CDH8: variants seen among roughly 807,000 people sequenced by gnomAD.
CDH8 encodes the protein cadherin-8.
A neutral mutation model predicts 68.1 loss-of-function variants in CDH8; 17 were observed. The ratio of observed to expected loss-of-function variants is 0.25; its 90% CI spans 0.17 to 0.37. The LOEUF (loss-of-function observed/expected upper bound fraction) is 0.37. Ranked by LOEUF, CDH8 falls within the 10% of genes least tolerant of loss-of-function variation. The pLI is 1.00. For missense variants in CDH8, 763 were observed against 999.3 expected (o/e 0.76, Z 3.19); for synonymous variants, 372 against 365.1 (o/e 1.02, Z -0.21).
chr16:61,653,251 T>C lies in CDH8; in HGVS notation c.*357A>G. On this transcript the variant is annotated 3_prime_UTR_variant, in exon 12 of 12. Transcript: ENST00000577390. The stretch of plus-strand genomic sequence containing the variant: ...CAGCAGATTCCTTGCAGGTCCGTAT[T>C]TTTTTTTCTAAGAAAGCACCTTTTA... 1 of 1,168,838 alleles carries C rather than the reference T, an allele frequency of 8.6e-7. No homozygotes were observed. The highest frequency in any genetic ancestry group is 1.1e-6 in the Non-Finnish European group (1 of 950,098). The allele number at this position is 1,168,838 out of a possible 1,614,324, so 72.4% of individuals were successfully genotyped here. A position where few individuals can be genotyped will look rare whatever the true frequency, so the allele number is the denominator to read the frequency against.
intron 4 of CDH8, among the ~76,000 whole-genome samples, chr16:61,849,075 T>C (rs1421777835): frequency 6.6e-6 from 1 of 152,118 alleles, no homozygotes; most frequent in Non-Finnish European, 1.5e-5. Context: ...AGTTTGTTGC[T>C]ACCTACAATT....
intron 9 of CDH8, among the ~76,000 whole-genome samples, chr16:61,721,944 T>C (rs1959221896): frequency 6.6e-6 from 1 of 150,792 alleles, no homozygotes; most frequent in Non-Finnish European, 1.5e-5. Context: ...GATGTGTGTG[T>C]ACATTTTTCA....
intron 2 of CDH8, among the ~76,000 whole-genome samples, chr16:61,987,394 C>A (rs1001152699): frequency 1.3e-5 from 2 of 152,018 alleles, no homozygotes; most frequent in African/African-American, 4.8e-5. Flanking sequence ...GTAATCCCAG[C>A]TACATGGGAG....
Position 61,931,823 on chromosome 16 carries a change from A to G in CDH8, c.253-30350T>C, listed in dbSNP as rs549141676. ...GTGTGGTCCTAGGATTTCTGCTGAAAACATAACACAAACATGTTCGAGGGA... is the reference window on the plus strand; with the variant it reads ...GTGTGGTCCTAGGATTTCTGCTGAAGACATAACACAAACATGTTCGAGGGA... On this transcript the variant is annotated intron_variant, in intron 2 of 11. Transcript: ENST00000577390. Among the ~76,000 whole-genome samples, 10 of 152,318 alleles carry G rather than the reference A, an allele frequency of 6.6e-5. No individual in the cohort carries two copies. In the South Asian group the frequency reaches 2.1e-3, roughly 32 times the overall value.
chr16:61,847,194 G>A (rs1308428762), intron 4 of CDH8, among the ~76,000 whole-genome samples: 2 of 151,792 alleles, frequency 1.3e-5, no homozygotes, highest in Non-Finnish European at 2.9e-5. Context: ...CATATTATTT[G>A]AACAACTATC....
At chr16:61,830,543 T>C (rs1962433060) in intron 4 of CDH8, among the ~76,000 whole-genome samples, 1 of 151,826 alleles carries the variant, frequency 6.6e-6, no homozygotes, top group Admixed American at 6.6e-5. Context: ...GGTGCTACGT[T>C]AAATAACATC....
At chr16:61,819,400 A>G (rs745657437) in intron 6 of CDH8, among the ~76,000 whole-genome samples, 3 of 152,090 alleles carry the variant, frequency 2.0e-5, no homozygotes, top group Non-Finnish European at 4.4e-5. Context: ...AATGGGAATA[A>G]TAACAATAAA....
Position 61,729,582 on chromosome 16 carries a change from TTC to T in CDH8, c.1415-2369_1415-2368del, listed in dbSNP as rs145416191. On this transcript the variant is annotated intron_variant, in intron 8 of 11. Transcript: ENST00000577390. Reference sequence around the variant, plus strand: ...TTAATTGATTAACTTCTTTTTGTAATTCTCTGTTTTAATTCCAAGAATTGCCG... The same window carrying T: ...TTAATTGATTAACTTCTTTTTGTAATTCTGTTTTAATTCCAAGAATTGCCG... 7.6e-3 allele frequency among the ~76,000 whole-genome samples: 1,152 copies of T among 151,396 alleles called. 10 individuals carry two copies. The highest frequency in any genetic ancestry group is 0.026 in the African/African-American group (1,082 of 41,440).
chr16:61,876,803 G>A (rs888721311), intron 3 of CDH8, among the ~76,000 whole-genome samples: 2 of 150,894 alleles, frequency 1.3e-5, no homozygotes, highest in African/African-American at 2.4e-5. Context: ...CCCTTATTTC[G>A]AATCTAAGCA....
chr16:61,698,405 G>A (rs1425426852), intron 10 of CDH8, among the ~76,000 whole-genome samples: 1 of 152,124 alleles, frequency 6.6e-6, no homozygotes, highest in Non-Finnish European at 1.5e-5. Flanking sequence ...CTTTCATCAT[G>A]TTGCCTCCGA....
intron 10 of CDH8, among the ~76,000 whole-genome samples, chr16:61,671,062 A>G (rs1208186194): frequency 1.3e-5 from 2 of 152,098 alleles, no homozygotes; most frequent in Admixed American, 6.6e-5. Context: ...TTTCAACCCC[A>G]TTACCACTTG....
In CDH8 at chr16:61,652,719, G is replaced by A. The variant is rs575315613; in HGVS notation, c.*889C>T. 1.3e-4 allele frequency: 160 copies of A among 1,270,126 alleles called. 1 individual carries two copies. The East Asian group carries it at 3.7e-3, about 30-fold the overall frequency. 78.7% of individuals were successfully genotyped at this position (1,270,126 alleles called of 1,614,324 possible). A position where few individuals can be genotyped will look rare whatever the true frequency, so the allele number is the denominator to read the frequency against. On this transcript the variant is annotated 3_prime_UTR_variant, in exon 12 of 12. Coordinates refer to ENST00000577390, the MANE Select transcript of CDH8 (RefSeq NM_001796.5). ...ATATCCCCTTAATCTATAGATTACC[G>A]ACCTTAATAAATAAAAGCATTAATG...
At position 61,647,467 on chromosome 16, in the gene CDH8, G is replaced by T. The variant is rs1318736144; in HGVS notation, c.*6141C>A. The T allele has an allele frequency of 2.1e-5, 3 of 140,078 alleles. No individual in the cohort carries two copies. The highest frequency in any genetic ancestry group is 9.6e-5 in the African/African-American group (1 of 10,462). 8.7% of individuals were successfully genotyped at this position (140,078 alleles called of 1,614,324 possible). ...AGTTAAAGCAGAGTAACGTTGGAAA[G>T]GTGGGGGGGGTGATCCCAGTGACTC... is the stretch of plus-strand genomic sequence containing the variant. On this transcript the variant is annotated 3_prime_UTR_variant, in exon 12 of 12. Coordinates refer to ENST00000577390, the MANE Select transcript of CDH8 (RefSeq NM_001796.5).
At chr16:62,019,951 C>T (rs1220858304) in intron 2 of CDH8, among the ~76,000 whole-genome samples, 1 of 152,106 alleles carries the variant, frequency 6.6e-6, no homozygotes, top group African/African-American at 2.4e-5. Flanking sequence ...TGATACGCCT[C>T]CTGTGTCTAA....
chr16:61,977,691 G>C (rs1316075301), intron 2 of CDH8, among the ~76,000 whole-genome samples: 1 of 152,020 alleles, frequency 6.6e-6, no homozygotes, highest in African/African-American at 2.4e-5. Flanking sequence ...GTAAGTCAAG[G>C]GAAGAATATT....
chr16:61,993,048 G>T (rs926370928), intron 2 of CDH8, among the ~76,000 whole-genome samples: 1 of 152,152 alleles, frequency 6.6e-6, no homozygotes, highest in African/African-American at 2.4e-5. Flanking sequence ...GCCTTCCAAA[G>T]TACTGGGATT....
chr16:61,980,203 C>A (rs1449824317), intron 2 of CDH8, among the ~76,000 whole-genome samples: 1 of 152,104 alleles, frequency 6.6e-6, no homozygotes, highest in Non-Finnish European at 1.5e-5. Flanking sequence ...GGAGGTAAAC[C>A]TGGGACTGGA....
At chr16:61,864,302 G>GTTGT (rs1963210975) in intron 3 of CDH8, among the ~76,000 whole-genome samples, 1 of 140,598 alleles carries the variant, frequency 7.1e-6, no homozygotes, top group Non-Finnish European at 1.5e-5. Context: ...CGGTTGGTTG[G>GTTGT]TTGGTTGGTT....
intron 10 of CDH8, among the ~76,000 whole-genome samples, chr16:61,687,288 T>A (rs566404334): frequency 2.7e-4 from 41 of 152,100 alleles, no homozygotes; most frequent in Non-Finnish European, 5.4e-4. Flanking sequence ...ATAAAGTACA[T>A]AAGAGTCAAT....
Sources: gnomAD v4.1 joint callset for allele counts (sites outside exome capture counted in the v4.1 genomes callset) on GRCh38, gnomAD v4.1.1 for gene constraint, MANE v1.5 for transcripts, NCBI Gene and HGNC (gene_info 2026-07-23, HGNC 2026-07-21) for gene names.